The following PTPRN2 variants were observed in gnomAD, a reference collection of about 807,000 sequenced individuals.
PTPRN2 encodes receptor-type tyrosine-protein phosphatase N2.
Under a neutral mutation model 118.8 loss-of-function variants are expected in PTPRN2, and 74 were observed. The observed-to-expected ratio is 0.62, with a 90% CI of 0.52 to 0.76. The LOEUF (loss-of-function observed/expected upper bound fraction) is 0.76, where lower values mean the gene tolerates loss of function less well. Among genes scored for constraint, PTPRN2 ranks in the 30% least tolerant of loss-of-function variants. The probability of loss-of-function intolerance (pLI) is 0.00; values close to 1 mark genes in which losing one functional copy is unlikely to be tolerated. For synonymous variants in PTPRN2, 641 were observed against 608.0 expected (o/e 1.05, Z -0.80); for missense variants, 1,481 against 1,394.4 (o/e 1.06, Z -0.99).
At chr7:157,954,284 A>G (rs377198029) in intron 11 of PTPRN2, among the ~76,000 whole-genome samples, 48 of 105,782 alleles carry the variant, frequency 4.5e-4, no homozygotes, top group African/African-American at 1.8e-3. Context: ...TAATCTCTGC[A>G]TGTGTGTCTA....
intron 9 of PTPRN2, among the ~76,000 whole-genome samples, chr7:158,116,299 G>A (rs763212525): frequency 4.6e-5 from 7 of 152,246 alleles, no homozygotes; most frequent in Non-Finnish European, 8.8e-5. Flanking sequence ...GGAAGATGGT[G>A]AGTAGGAAAC....
At chr7:158,310,774 G>A (rs953420195) in intron 3 of PTPRN2, among the ~76,000 whole-genome samples, 2 of 149,622 alleles carry the variant, frequency 1.3e-5, no homozygotes, top group African/African-American at 2.5e-5. Flanking sequence ...CAAGTCCCAC[G>A]GAGGGCGAGC....
chr7:158,279,330 G>A (rs1799255791), intron 3 of PTPRN2, among the ~76,000 whole-genome samples: 1 of 152,096 alleles, frequency 6.6e-6, no homozygotes, highest in African/African-American at 2.4e-5. Flanking sequence ...GAGCACTGAT[G>A]GGTGCATTTA....
At chr7:158,169,938 T>C (rs1411922333) in intron 5 of PTPRN2, among the ~76,000 whole-genome samples, 1 of 152,138 alleles carries the variant, frequency 6.6e-6, no homozygotes, top group Non-Finnish European at 1.5e-5. Context: ...GTGATGGGCC[T>C]GCCTTAGCCT....
chr7:158,033,757 G>C (rs1437700271), intron 11 of PTPRN2, among the ~76,000 whole-genome samples: 1 of 151,232 alleles, frequency 6.6e-6, no homozygotes, highest in East Asian at 2.0e-4. Flanking sequence ...TGCACTCTGA[G>C]ACCCGGGTGC....
At chr7:158,042,102 G>A (rs757563629) in intron 11 of PTPRN2, among the ~76,000 whole-genome samples, 8 of 152,172 alleles carry the variant, frequency 5.3e-5, no homozygotes, top group Non-Finnish European at 8.8e-5. Flanking sequence ...TTCTGCCCAC[G>A]AAAGAGCCTG....
At chr7:158,391,943 G>A (rs2151379562) in intron 2 of PTPRN2, among the ~76,000 whole-genome samples, 1 of 152,332 alleles carries the variant, frequency 6.6e-6, no homozygotes, top group Middle Eastern at 3.4e-3. Context: ...GAGACAGGGA[G>A]CCCGCCTGTG....
intron 3 of PTPRN2, among the ~76,000 whole-genome samples, chr7:158,259,814 C>A (rs760373671): frequency 3.5e-5 from 5 of 143,616 alleles, no homozygotes; most frequent in Non-Finnish European, 7.7e-5. Context: ...CCACGTGTCC[C>A]TTTGTGTACA....
chr7:157,877,101 A>G (rs1795814708), intron 12 of PTPRN2, among the ~76,000 whole-genome samples: 1 of 137,656 alleles, frequency 7.3e-6, no homozygotes, highest in Admixed American at 7.1e-5. Flanking sequence ...TGCCATGGTC[A>G]GGGTTTCCTC....
rs532775291 is a variant in PTPRN2 at position 157,974,930 on chromosome 7, A to G, written c.1724-76193T>C. On this transcript the variant is annotated intron_variant, in intron 11 of 22. Coordinates refer to ENST00000389418, the MANE Select transcript of PTPRN2 (RefSeq NM_002847.5). The surrounding 1 kb of genome is among the most constrained non-coding windows in gnomAD (Gnocchi z 4.0). The stretch of plus-strand genomic sequence containing the variant: ...GGCGCACATGTCTGGGAGTGAGCAG[A>G]GGACCAGGGTATGGAACAAGCCCTA... Among the ~76,000 whole-genome samples, 166 of 152,144 alleles carry G rather than the reference A, an allele frequency of 1.1e-3. No individual in the cohort carries two copies. Among genetic ancestry groups the G allele is most frequent in the African/African-American group, 3.9e-3 (161 of 41,508 alleles).
At position 158,472,647 on chromosome 7, in the gene PTPRN2, G is replaced by C. The variant is rs946147233; in HGVS notation, c.163+17088C>G. On this transcript the variant is annotated intron_variant, in intron 2 of 22. Coordinates refer to ENST00000389418, the MANE Select transcript of PTPRN2 (RefSeq NM_002847.5). The stretch of plus-strand genomic sequence containing the variant: ...CTCAGACCATGAACATCACCCATCA[G>C]TTAGAGGGAAATCACTCACCCTTCA... 2.6e-4 allele frequency among the ~76,000 whole-genome samples: 40 copies of C among 152,188 alleles called. 1 individual carries two copies. The highest frequency in any genetic ancestry group is 2.2e-3 in the Admixed American group (33 of 15,282).
intron 2 of PTPRN2, among the ~76,000 whole-genome samples, chr7:158,328,039 G>A (rs9768139): frequency 0.53 from 80,423 of 152,078 alleles, 21,642 homozygotes; most frequent in South Asian, 0.58. Flanking sequence ...TCCAGAGGGA[G>A]AAAAAGCCCT....
chr7:158,552,834 A>G lies in PTPRN2; in HGVS notation c.112+34724T>C, dbSNP rs556100639. On this transcript the variant is annotated intron_variant, in intron 1 of 22. Coordinates refer to ENST00000389418, the MANE Select transcript of PTPRN2 (RefSeq NM_002847.5). The stretch of plus-strand genomic sequence containing the variant: ...TTTTGTGCACTTGACATGTGCATCC[A>G]AGGGCTCCTGACACCCCAGAGAAAC... Among the ~76,000 whole-genome samples, 7 of 152,344 alleles carry G rather than the reference A, an allele frequency of 4.6e-5. No homozygotes were observed. The East Asian group carries it at 1.4e-3, about 29-fold the overall frequency.
chr7:158,145,348 G>A (rs968057303), intron 6 of PTPRN2, among the ~76,000 whole-genome samples: 59 of 152,100 alleles, frequency 3.9e-4, no homozygotes, highest in Admixed American at 2.3e-3. Context: ...AGAATACCAC[G>A]GCTTGGCAAG....
chr7:157,790,225 G>A (rs549191361), intron 12 of PTPRN2, among the ~76,000 whole-genome samples: 1 of 135,480 alleles, frequency 7.4e-6, no homozygotes, highest in East Asian at 2.3e-4. Context: ...GTGTGTGTAT[G>A]GTGGTGTGTG....
At chr7:158,465,876 G>A (rs1819348424) in intron 2 of PTPRN2, among the ~76,000 whole-genome samples, 1 of 152,164 alleles carries the variant, frequency 6.6e-6, no homozygotes, top group South Asian at 2.1e-4. Context: ...CAGTCATGTG[G>A]GCTAAGCTAC....
At chr7:157,989,237 G>GCCC (rs567250826) in intron 11 of PTPRN2, among the ~76,000 whole-genome samples, 185 of 152,204 alleles carry the variant, frequency 1.2e-3, no homozygotes, top group African/African-American at 4.1e-3. Context: ...GGGCAACATG[G>GCCC]TGAAACTCTG....
chr7:158,144,921 C>T (rs62480212), intron 6 of PTPRN2, among the ~76,000 whole-genome samples: 12,416 of 151,380 alleles, frequency 0.082, 883 homozygotes, highest in East Asian at 0.25. Context: ...AACAGCAAGC[C>T]ACGTCTCCAG....
intron 5 of PTPRN2, among the ~76,000 whole-genome samples, chr7:158,188,330 C>CCCTGATGGGGAAGGCCGCCACGCTCGCCG (rs1825409921): frequency 1.1e-5 from 1 of 94,720 alleles, no homozygotes; most frequent in African/African-American, 4.8e-5. Context: ...CACGCTCGCC[C>CCCTGATGGGGAAGGCCGCCACGCTCGCCG]CCTGATGGGG....
Sources: gnomAD v4.1 joint callset for allele counts (sites outside exome capture counted in the v4.1 genomes callset) on GRCh38, gnomAD v4.1.1 for gene constraint, Gnocchi (gnomAD v3.1) non-coding constraint, MANE v1.5 for transcripts, NCBI Gene and HGNC (gene_info 2026-07-23, HGNC 2026-07-21) for gene names.